The following CHEK2 variants were observed in gnomAD, a reference collection of about 807,000 sequenced individuals.
CHEK2 encodes the protein serine/threonine-protein kinase Chk2.
In CHEK2, 71 loss-of-function variants were observed where a neutral mutation model predicts 69.1. That is an observed-to-expected ratio of 1.03 (90% CI 0.85 to 1.25). The LOEUF (loss-of-function observed/expected upper bound fraction) is 1.25, where lower values mean the gene tolerates loss of function less well. Among genes scored for constraint, CHEK2 ranks in the 50% most tolerant of loss-of-function variants. The pLI, the probability that CHEK2 is intolerant of heterozygous loss-of-function variation, is 0.00. For synonymous variants in CHEK2, 189 were observed against 226.9 expected (o/e 0.83, Z 1.50); for missense variants, 664 against 649.6 (o/e 1.02, Z -0.24).
intron 8 of CHEK2, among the ~76,000 whole-genome samples, chr22:28,701,931 C>T (rs1379465976): frequency 6.6e-6 from 1 of 150,452 alleles, no homozygotes; most frequent in Non-Finnish European, 1.5e-5. Context: ...TGCATATAAT[C>T]TATGTATATC....
chr22:28,699,076 C>T (rs1171549698), intron 9 of CHEK2, among the ~76,000 whole-genome samples: 1 of 152,176 alleles, frequency 6.6e-6, no homozygotes, highest in African/African-American at 2.4e-5. Context: ...ATGACTGTGG[C>T]TCACTGTAGC....
rs398040472 is a variant in CHEK2, at chr22:28,698,228, T to TAA, written c.1009-1243_1009-1242dup. Among the ~76,000 whole-genome samples, 195 of 81,894 alleles carry TAA rather than the reference T, an allele frequency of 2.4e-3. 6 individuals carry two copies. Among genetic ancestry groups the TAA allele is most frequent in the East Asian group, 5.0e-3 (11 of 2,198 alleles). The allele number at this position is 81,894 out of a possible 152,430, so 53.7% of individuals were successfully genotyped here. A position where few individuals can be genotyped will look rare whatever the true frequency, so the allele number is the denominator to read the frequency against. On this transcript the variant is annotated intron_variant, in intron 9 of 14. Transcript: ENST00000404276. Reference sequence around the variant, plus strand: ...CAACATGGTGAAACCCTATCTTTACTAAAAAAAAAAAAAAAAAAATTAGCT... The same window carrying TAA: ...CAACATGGTGAAACCCTATCTTTACTAAAAAAAAAAAAAAAAAAAAATTAGCT...
chr22:28,701,247 T>C (rs2052833841), intron 8 of CHEK2, among the ~76,000 whole-genome samples: 2 of 151,926 alleles, frequency 1.3e-5, no homozygotes, highest in Admixed American at 1.3e-4. Flanking sequence ...TTTTTTCTTA[T>C]GTTTTTTGAG....
At chr22:28,690,947 C>A (rs139561825) in intron 13 of CHEK2, among the ~76,000 whole-genome samples, 1,647 of 149,066 alleles carry the variant, frequency 0.011, 10 homozygotes, top group African/African-American at 0.039. Flanking sequence ...GTAATCCCAG[C>A]ACTTTGGGAG....
At chr22:28,688,434 C>T (rs562580577) in intron 14 of CHEK2, among the ~76,000 whole-genome samples, 2 of 152,314 alleles carry the variant, frequency 1.3e-5, no homozygotes, top group African/African-American at 4.8e-5. Context: ...TTTGGAAAGC[C>T]GAGGTGGGCA....
intron 7 of CHEK2, among the ~76,000 whole-genome samples, chr22:28,705,936 T>G (rs1490661061): frequency 7.5e-6 from 1 of 133,996 alleles, no homozygotes. Flanking sequence ...AGAGTGAAAC[T>G]CCGTCTCAAA....
intron 12 of CHEK2, among the ~76,000 whole-genome samples, chr22:28,694,566 G>A (rs1038744652): frequency 6.6e-6 from 1 of 152,126 alleles, no homozygotes; most frequent in African/African-American, 2.4e-5. Context: ...ACAAATGCAC[G>A]CTGGCCTGTA....
In CHEK2 at chr22:28,719,436, C is replaced by T. The variant is rs1569149867; in HGVS notation, c.642G>A (p.Lys214=). The T allele has an allele frequency of 3.1e-6, 5 of 1,597,914 alleles. No individual in the cohort carries two copies. The highest frequency in any genetic ancestry group is 4.3e-6 in the Non-Finnish European group (5 of 1,171,380). The change falls in exon 5 of 15, where the codon AAG becomes AAA. Residue 214 remains lysine (K), a synonymous_variant. Transcript: ENST00000404276. ...LTVDDQSVYP[K]ALRDEYIMSK... is the part of the protein sequence containing the mutation. The stretch of plus-strand genomic sequence containing the variant: ...ACATGATGTATTCATCTCTTAATGC[C>T]TTAGGATAAACTGACTGATCATCTA...
At chr22:28,722,925 T>C (rs937536697) in intron 4 of CHEK2, among the ~76,000 whole-genome samples, 10 of 152,066 alleles carry the variant, frequency 6.6e-5, no homozygotes, top group African/African-American at 1.9e-4. Flanking sequence ...GAAGAGTGCT[T>C]ATATGAACCT....
intron 1 of CHEK2, among the ~76,000 whole-genome samples, chr22:28,740,672 G>A (rs1264460360): frequency 6.6e-6 from 1 of 152,162 alleles, no homozygotes. Context: ...ACGGAAAATT[G>A]CTTCCTTGGG....
intron 9 of CHEK2, 29 bp from the exon 10 acceptor site, chr22:28,697,016 G>T (rs377730816): frequency 3.7e-6 from 5 of 1,363,600 alleles, no homozygotes; most frequent in South Asian, 2.3e-5. Flanking sequence ...ATGACCCTCA[G>T]ATTCATGCAG....
rs185373732 is a variant in CHEK2, at chr22:28,717,235, G to A, written c.683+2160C>T. Among the ~76,000 whole-genome samples, 1,430 of 152,154 alleles carry A rather than the reference G, an allele frequency of 9.4e-3. 16 individuals are homozygous for A. The highest frequency in any genetic ancestry group is 0.011 in the Non-Finnish European group (774 of 68,006). On this transcript the variant is annotated intron_variant, in intron 5 of 14. Transcript: ENST00000404276. ...CTATTAAAAATACAAAAAATTAGCT[G>A]GGTGTGGTGGCACAGGCCTGTAGTC... is the stretch of plus-strand genomic sequence containing the variant.
At chr22:28,694,167 A>G in intron 12 of CHEK2, 50 bp from the exon 13 acceptor site, 2 of 1,234,438 alleles carry the variant, frequency 1.6e-6, no homozygotes, top group East Asian at 4.6e-5. Flanking sequence ...ATATATTATC[A>G]GTAAGAGTAT....
intron 2 of CHEK2, among the ~76,000 whole-genome samples, chr22:28,733,922 CAAAAA>C (rs545037765): frequency 1.2e-5 from 1 of 84,074 alleles, no homozygotes. Context: ...ACTCCGTTGC[CAAAAA>C]AAAAAAAAAA....
intron 12 of CHEK2, 106 bp from the exon 13 acceptor site, chr22:28,694,223 A>C: frequency 1.3e-6 from 1 of 796,608 alleles, no homozygotes; most frequent in Non-Finnish European, 2.2e-6. Context: ...AGAGGGTCTG[A>C]GATCATCACG....
intron 1 of CHEK2, among the ~76,000 whole-genome samples, chr22:28,739,718 A>G (rs777326262): frequency 6.6e-6 from 1 of 152,012 alleles, no homozygotes; most frequent in East Asian, 1.9e-4. Context: ...AAAACCCACA[A>G]TGAGATACCA....
In CHEK2 at chr22:28,699,860, T is replaced by C. The variant is rs774685647; in HGVS notation, c.986A>G (p.Tyr329Cys). The change falls in exon 9 of 15, where the codon TAC becomes TGC. Residue 329 changes from tyrosine (Y) to cysteine (C), a missense_variant. By Grantham distance (194) the Tyr-to-Cys change is radical. Coordinates refer to ENST00000404276, the MANE Select transcript of CHEK2 (RefSeq NM_007194.4). ...LKEATCKLYF[Y>C]QMLLAVQYLH... is the part of the protein sequence containing the mutation. ...TACCTGCACAGCCAAGAGCATCTGG[T>C]AAAAATAGAGCTTGCAGGTAGCTTC... is the stretch of plus-strand genomic sequence containing the variant. 1 of 1,613,864 alleles carries C rather than the reference T, an allele frequency of 6.2e-7. No homozygotes were observed. The highest frequency in any genetic ancestry group is 1.1e-5 in the South Asian group (1 of 91,080).
At chr22:28,712,389 CA>C in intron 5 of CHEK2, 1 of 295,366 alleles carries the variant, frequency 3.4e-6, no homozygotes, top group East Asian at 5.1e-5. Context: ...GTGCCCAAAA[CA>C]AACAAATAAC....
At chr22:28,702,767 G>A (rs2052937563) in intron 8 of CHEK2, among the ~76,000 whole-genome samples, 4 of 150,778 alleles carry the variant, frequency 2.7e-5, no homozygotes, top group African/African-American at 7.3e-5. Context: ...GGCTGGTCTC[G>A]AACTCCTGAC....
Sources: allele counts gnomAD v4.1 joint callset (sites outside exome capture counted in the v4.1 genomes callset), GRCh38; gene constraint gnomAD v4.1.1; transcripts MANE v1.5; gene names NCBI Gene and HGNC (gene_info 2026-07-23, HGNC 2026-07-21).